Variants in MYO16 observed in about 807,000 individuals in gnomAD.
MYO16 encodes myosin XVI.
In MYO16, 94 loss-of-function variants were observed where a neutral mutation model predicts 205.3. That is an observed-to-expected ratio of 0.46 (90% confidence interval 0.39 to 0.54). The LOEUF (loss-of-function observed/expected upper bound fraction) is 0.54, where lower values mean the gene tolerates loss of function less well. Ranked by LOEUF, MYO16 falls within the 20% of genes least tolerant of loss-of-function variation. The pLI is 0.00. For synonymous variants in MYO16, 988 were observed against 954.0 expected (o/e 1.04, Z -0.66); for missense variants, 2,315 against 2,387.5 (o/e 0.97, Z 0.63).
At chr13:108,804,515 G>T (rs997069278) in intron 6 of MYO16, among the ~76,000 whole-genome samples, 1 of 152,082 alleles carries the variant, frequency 6.6e-6, no homozygotes, top group African/African-American at 2.4e-5. Flanking sequence ...TGTTGTTGTT[G>T]TTGTTGTTTT....
chr13:108,555,451 A>G, the MYO16 span, among the ~76,000 whole-genome samples: 1 of 152,258 alleles, frequency 6.6e-6, no homozygotes, highest in African/African-American at 2.4e-5. Flanking sequence ...AGGTATTTAT[A>G]GAAAAGATTG....
intron 4 of MYO16, among the ~76,000 whole-genome samples, chr13:108,741,908 C>A (rs996574574): frequency 3.9e-5 from 6 of 152,168 alleles, no homozygotes; most frequent in Admixed American, 2.0e-4. Context: ...TTGAATAGGG[C>A]TTTGCAGATT....
the MYO16 span, among the ~76,000 whole-genome samples, chr13:108,558,465 T>A: frequency 6.6e-6 from 1 of 152,198 alleles, no homozygotes; most frequent in East Asian, 1.9e-4. Context: ...GCACCTCGAC[T>A]GTGTCTTTTC....
At chr13:108,724,817 T>A (rs1884284982) in intron 3 of MYO16, among the ~76,000 whole-genome samples, 1 of 152,162 alleles carries the variant, frequency 6.6e-6, no homozygotes, top group Admixed American at 6.5e-5. Context: ...TGTGATATAT[T>A]TTAATCTGTA....
At chr13:108,719,595 G>C (rs1215396496) in intron 3 of MYO16, among the ~76,000 whole-genome samples, 1 of 152,094 alleles carries the variant, frequency 6.6e-6, no homozygotes, top group African/African-American at 2.4e-5. Flanking sequence ...AGCACTGGGG[G>C]CATAGTAGTT....
At chr13:108,606,467 G>A (rs1878962957) in intron 1 of MYO16, among the ~76,000 whole-genome samples, 1 of 152,168 alleles carries the variant, frequency 6.6e-6, no homozygotes. Flanking sequence ...TACAGCTTGG[G>A]CCTTTGTTTT....
the MYO16 span, among the ~76,000 whole-genome samples, chr13:108,511,231 T>A: frequency 1.4e-5 from 2 of 138,406 alleles, no homozygotes; most frequent in Admixed American, 1.4e-4. Context: ...CCAGTGATGA[T>A]GAGCTTTCTT....
At chr13:108,628,942 G>T (rs957803515), upstream of MYO16, among the ~76,000 whole-genome samples, 8 of 152,040 alleles carry the variant, frequency 5.3e-5, no homozygotes, top group African/African-American at 1.4e-4. Flanking sequence ...ATAACCTTTT[G>T]GTTTGCTACC....
At chr13:108,843,381 G>A (rs1004479839) in intron 9 of MYO16, among the ~76,000 whole-genome samples, 1 of 152,048 alleles carries the variant, frequency 6.6e-6, no homozygotes, top group African/African-American at 2.4e-5. Flanking sequence ...AGGTGATAAA[G>A]TATTCTATAC....
intron 3 of MYO16, among the ~76,000 whole-genome samples, chr13:108,723,079 G>A (rs1001930065): frequency 1.3e-5 from 2 of 152,014 alleles, no homozygotes; most frequent in East Asian, 1.9e-4. Context: ...CTCTTGAGAC[G>A]ATCTGATAAT....
intron 15 of MYO16, among the ~76,000 whole-genome samples, chr13:108,898,390 A>G (rs61623216): frequency 2.6e-3 from 172 of 67,122 alleles, no homozygotes; most frequent in African/African-American, 8.1e-3. Flanking sequence ...GTGTGTGTGT[A>G]TACATACCTA....
chr13:108,964,524 G>A (rs1475611038), intron 19 of MYO16, among the ~76,000 whole-genome samples: 2 of 152,166 alleles, frequency 1.3e-5, no homozygotes, highest in African/African-American at 2.4e-5. Flanking sequence ...CTACAATAAA[G>A]GTGGAACGCT....
intron 13 of MYO16, among the ~76,000 whole-genome samples, chr13:108,885,141 C>T (rs575469681): frequency 7.4e-4 from 113 of 152,046 alleles, no homozygotes; most frequent in Non-Finnish European, 1.4e-3. Context: ...TCTTTTGATA[C>T]GGAGTTTCGT....
rs990102917 is a variant in MYO16 at position 108,745,188 on chromosome 13, G to A, written c.507+17605G>A. Among the ~76,000 whole-genome samples the A allele has an allele frequency of 2.6e-5, 4 of 152,176 alleles. No homozygotes were observed. In the South Asian group the frequency reaches 8.3e-4, roughly 32 times the overall value. ...CAACTCTAGAATCTGAGGGGATGAAGATGGTCTGGAGCGGAAGCACAGGAG... is the reference window on the plus strand; with the variant it reads ...CAACTCTAGAATCTGAGGGGATGAAAATGGTCTGGAGCGGAAGCACAGGAG... On this transcript the variant is annotated intron_variant, in intron 4 of 34. Coordinates refer to ENST00000457511, the MANE Select transcript of MYO16 (RefSeq NM_001198950.3).
At chr13:109,173,634 G>T (rs572701982) in intron 33 of MYO16, among the ~76,000 whole-genome samples, 1 of 152,078 alleles carries the variant, frequency 6.6e-6, no homozygotes, top group Non-Finnish European at 1.5e-5. Flanking sequence ...GGTGGCTCAC[G>T]CCTGTAACCC....
At chr13:109,068,685 G>A (rs1186151872) in intron 27 of MYO16, among the ~76,000 whole-genome samples, 12 of 150,506 alleles carry the variant, frequency 8.0e-5, no homozygotes, top group Non-Finnish European at 1.5e-4. Flanking sequence ...TCCACCTCCC[G>A]AGTTCAAGCT....
chr13:108,989,292 T>C (rs1325414153), intron 20 of MYO16, among the ~76,000 whole-genome samples: 2 of 152,202 alleles, frequency 1.3e-5, no homozygotes, highest in Non-Finnish European at 2.9e-5. Flanking sequence ...TTCATGAACA[T>C]TTCCTATGTT....
At chr13:109,014,104 A>G (rs952336374) in intron 22 of MYO16, among the ~76,000 whole-genome samples, 7 of 152,178 alleles carry the variant, frequency 4.6e-5, no homozygotes, top group African/African-American at 1.7e-4. Context: ...TTTTAGGTCT[A>G]TCATTTAAGT....
chr13:108,557,087 T>C, the MYO16 span, among the ~76,000 whole-genome samples: 1 of 152,226 alleles, frequency 6.6e-6, no homozygotes, highest in African/African-American at 2.4e-5. Context: ...CTTTGTTTTA[T>C]TTGACCAGGA....
Sources: gnomAD v4.1 joint callset for allele counts (sites outside exome capture counted in the v4.1 genomes callset) on GRCh38, gnomAD v4.1.1 for gene constraint, MANE v1.5 for transcripts, NCBI Gene and HGNC (gene_info 2026-07-23, HGNC 2026-07-21) for gene names.